AGBL3: variants seen among roughly 807,000 people sequenced by gnomAD.
The protein encoded by AGBL3 is AGBL carboxypeptidase 3, also known as cytosolic carboxypeptidase 3.
A neutral mutation model predicts 94.5 loss-of-function variants in AGBL3; 68 were observed. The ratio of observed to expected loss-of-function variants is 0.72; its 90% CI spans 0.59 to 0.88. AGBL3 has a LOEUF of 0.88. Among genes scored for constraint, AGBL3 ranks in the 40% least tolerant of loss-of-function variants. The pLI is 0.00. For missense variants in AGBL3, 934 were observed against 1,103.8 expected (o/e 0.85, Z 2.18); for synonymous variants, 354 against 370.7 (o/e 0.95, Z 0.52).
chr7:135,091,157 G>A (rs910262351), intron 15 of AGBL3, among the ~76,000 whole-genome samples: 3 of 152,124 alleles, frequency 2.0e-5, no homozygotes, highest in Non-Finnish European at 4.4e-5. Flanking sequence ...GTGGTTGGAG[G>A]ATGGGGTGGT....
intron 16 of AGBL3, among the ~76,000 whole-genome samples, chr7:135,116,841 T>C (rs1314747677): frequency 6.6e-6 from 1 of 152,194 alleles, no homozygotes; most frequent in East Asian, 1.9e-4. Flanking sequence ...GCTGTCCCTT[T>C]CCTGGTCCTT....
chr7:135,069,163 A>G (rs1018813194), intron 12 of AGBL3, among the ~76,000 whole-genome samples: 6 of 152,370 alleles, frequency 3.9e-5, no homozygotes, highest in Admixed American at 2.0e-4. Flanking sequence ...GATCAATTCA[A>G]CAAGAAGAGC....
intron 15 of AGBL3, among the ~76,000 whole-genome samples, chr7:135,087,190 G>A (rs1195082312): frequency 2.0e-5 from 3 of 151,582 alleles, no homozygotes; most frequent in Admixed American, 6.6e-5. Flanking sequence ...CAGTTGTAAC[G>A]TCTTTTTCAT....
In AGBL3 at chr7:135,077,090, G is replaced by A. The variant is rs896699986; in HGVS notation, c.1980+622G>A. On this transcript the variant is annotated intron_variant, in intron 13 of 16. Coordinates refer to ENST00000436302, the MANE Select transcript of AGBL3 (RefSeq NM_178563.4). ...GGTAAGACAGAAACTCCACACTAGT[G>A]TAGACAAGAAATTAGGGCTCCCTCT... 2.6e-5 allele frequency among the ~76,000 whole-genome samples: 4 copies of A among 152,176 alleles called. No individual in the cohort carries two copies. In the East Asian group the frequency reaches 5.8e-4, roughly 22 times the overall value.
intron 4 of AGBL3, among the ~76,000 whole-genome samples, chr7:134,999,598 G>A (rs1408840892): frequency 6.6e-6 from 1 of 152,114 alleles, no homozygotes; most frequent in Non-Finnish European, 1.5e-5. Flanking sequence ...TTCTTCTGGT[G>A]GGCACTGACA....
intron 12 of AGBL3, among the ~76,000 whole-genome samples, chr7:135,069,312 T>A (rs527345959): frequency 6.6e-6 from 1 of 152,146 alleles, no homozygotes; most frequent in Admixed American, 6.5e-5. Flanking sequence ...ATTAGACAGA[T>A]CAACAAGACA....
chr7:135,075,882 C>T lies in AGBL3; in HGVS notation c.1909-515C>T, dbSNP rs576126589. On this transcript the variant is annotated intron_variant, in intron 12 of 16. Coordinates refer to ENST00000436302, the MANE Select transcript of AGBL3 (RefSeq NM_178563.4). Reference sequence around the variant, plus strand: ...TTTGCCTGGCCCCCTGCTTAGCCTTCACTGACACTACCTTGAAAAAGGGGT... The same window carrying T: ...TTTGCCTGGCCCCCTGCTTAGCCTTTACTGACACTACCTTGAAAAAGGGGT... Among the ~76,000 whole-genome samples, 3 of 152,322 alleles carry T rather than the reference C, an allele frequency of 2.0e-5. No homozygotes were observed. The South Asian group carries it at 6.2e-4, about 32-fold the overall frequency.
chr7:135,082,121 C>T (rs1023860400), intron 15 of AGBL3, among the ~76,000 whole-genome samples: 1 of 152,100 alleles, frequency 6.6e-6, no homozygotes, highest in Non-Finnish European at 1.5e-5. Context: ...ATAATTCATT[C>T]CATTGCTAAA....
intron 11 of AGBL3, among the ~76,000 whole-genome samples, chr7:135,055,586 AC>A (rs1388217025): frequency 6.6e-6 from 1 of 152,184 alleles, no homozygotes; most frequent in East Asian, 1.9e-4. Context: ...GAATGTTGAA[AC>A]AACCTGGCAT....
intron 15 of AGBL3, among the ~76,000 whole-genome samples, chr7:135,096,386 G>T (rs76038200): frequency 7.0e-6 from 1 of 142,508 alleles, no homozygotes; most frequent in East Asian, 2.3e-4. Flanking sequence ...AGACAGAGAA[G>T]GAAGGAAGGG....
intron 10 of AGBL3, 61 bp downstream of exon 10, chr7:135,045,635 T>G (rs1817283785): frequency 7.0e-7 from 1 of 1,436,784 alleles, no homozygotes. Flanking sequence ...ATAAGCTGAC[T>G]ATGGGCCTAT....
chr7:135,024,484 T>C (rs1814868746), intron 5 of AGBL3, among the ~76,000 whole-genome samples: 2 of 152,134 alleles, frequency 1.3e-5, no homozygotes, highest in South Asian at 4.1e-4. Flanking sequence ...CACCCAGAAA[T>C]GAAGCCAACT....
chr7:135,034,809 T>A lies in AGBL3; in HGVS notation c.1218T>A (p.Asp406Glu). 6.4e-7 allele frequency: 1 copy of A among 1,552,302 alleles called. No homozygotes were observed. The highest frequency in any genetic ancestry group is 8.7e-7 in the Non-Finnish European group (1 of 1,147,288). The change falls in exon 7 of 17, where the codon GAT becomes GAA. Residue 406 changes from aspartate (D) to glutamate (E), a missense_variant. Around this residue, in one of 3 missense-constraint regions of AGBL3, gnomAD observed 488 missense variants for 563.6 expected, o/e 0.87. Coordinates refer to ENST00000436302, the MANE Select transcript of AGBL3 (RefSeq NM_178563.4). ...VFKVVPMLNP[D>E]GVIVGNYRCS... Reference sequence around the variant, plus strand: ...AGGTGGTACCCATGCTCAATCCAGATGGTGTGATTGTGGGAAATTATCGCT... The same window carrying A: ...AGGTGGTACCCATGCTCAATCCAGAAGGTGTGATTGTGGGAAATTATCGCT...
chr7:135,117,441 TTAAC>T (rs544452253), intron 16 of AGBL3, among the ~76,000 whole-genome samples: 195 of 152,348 alleles, frequency 1.3e-3, no homozygotes, highest in African/African-American at 4.5e-3. Context: ...TTACAGCACA[TTAAC>T]TAGTTTCTCC....
chr7:135,011,746 G>T (rs1813188804), intron 4 of AGBL3: 1 of 152,120 alleles, frequency 6.6e-6, no homozygotes. Context: ...CAGAAACCTT[G>T]CAAGGTTAAA....
Position 135,045,564 on chromosome 7 carries a change from A to G in AGBL3, c.1718A>G (p.Asp573Gly). The G allele has an allele frequency of 6.4e-7, 1 of 1,550,984 alleles. No individual in the cohort carries two copies. Among genetic ancestry groups the G allele is most frequent in the African/African-American group, 1.4e-5 (1 of 73,106 alleles). The change falls in exon 10 of 17, where the codon GAC becomes GGC. Residue 573 changes from aspartate to glycine, a missense_variant. By Grantham distance (94) the Asp-to-Gly change is moderately conservative. Transcript: ENST00000436302. ...TCTCTCTTGGATTATTGTGATCCCG[A>G]CCGGACCAAGGTAAGCAAAGTCCAT... is the stretch of plus-strand genomic sequence containing the variant. ...CDSLLDYCDPDRTKYYRCLKE... is the reference protein window; with the variant it reads ...CDSLLDYCDPGRTKYYRCLKE...
intron 3 of AGBL3, among the ~76,000 whole-genome samples, chr7:134,989,608 A>G (rs1309471069): frequency 2.0e-5 from 3 of 152,226 alleles, no homozygotes; most frequent in Non-Finnish European, 4.4e-5. Context: ...CGGACAGATT[A>G]TGTTAGAAGT....
intron 15 of AGBL3, among the ~76,000 whole-genome samples, chr7:135,104,563 CT>C (rs1824359800): frequency 6.6e-6 from 1 of 152,020 alleles, no homozygotes; most frequent in Non-Finnish European, 1.5e-5. Flanking sequence ...ATAAGATTCC[CT>C]TTTTTCTGCA....
intron 15 of AGBL3, among the ~76,000 whole-genome samples, chr7:135,106,736 T>C (rs182898352): frequency 2.0e-5 from 3 of 152,314 alleles, no homozygotes; most frequent in Admixed American, 1.3e-4. Context: ...ATAGAATGAG[T>C]TGGGGAGGAG....
Sources: allele counts gnomAD v4.1 joint callset (sites outside exome capture counted in the v4.1 genomes callset), GRCh38; gene constraint gnomAD v4.1.1; regional missense constraint gnomAD v4.1.1; transcripts MANE v1.5; gene names NCBI Gene and HGNC (gene_info 2026-07-23, HGNC 2026-07-21).